Variants in CSMD1 observed in about 807,000 individuals in gnomAD.
The protein encoded by CSMD1 is CUB and Sushi multiple domains 1.
In CSMD1, 213 loss-of-function variants were observed where a neutral mutation model predicts 417.5. The ratio of observed to expected loss-of-function variants is 0.51; its 90% CI spans 0.46 to 0.57. CSMD1 has a LOEUF of 0.57. Among genes scored for constraint, CSMD1 ranks in the 20% least tolerant of loss-of-function variants. The probability of loss-of-function intolerance (pLI) is 0.00; values close to 1 mark genes in which losing one functional copy is unlikely to be tolerated. For missense variants in CSMD1, 6,923 were observed against 4,529.7 expected (o/e 1.53, Z -15.17); for synonymous variants, 2,862 against 1,736.8 (o/e 1.65, Z -16.11).
chr8:4,456,985 TAA>T (rs1554485114), intron 2 of CSMD1, among the ~76,000 whole-genome samples: 76 of 138,802 alleles, frequency 5.5e-4, no homozygotes, highest in East Asian at 2.1e-3. Context: ...GGTTTTTTTT[TAA>T]AAAAAAAAAA....
At chr8:4,934,738 A>G (rs67828954) in intron 1 of CSMD1, among the ~76,000 whole-genome samples, 2 of 151,876 alleles carry the variant, frequency 1.3e-5, no homozygotes, top group Non-Finnish European at 2.9e-5. Flanking sequence ...ATATCTATAA[A>G]CTATCTATAT....
chr8:3,470,019 A>G (rs1360378604), intron 11 of CSMD1, among the ~76,000 whole-genome samples: 2 of 152,294 alleles, frequency 1.3e-5, no homozygotes, highest in South Asian at 2.1e-4. Flanking sequence ...AAAAGCGCAC[A>G]GATCGTGAAT....
chr8:4,857,032 C>T (rs1347434701), intron 1 of CSMD1, among the ~76,000 whole-genome samples: 1 of 148,888 alleles, frequency 6.7e-6, no homozygotes, highest in Non-Finnish European at 1.5e-5. Flanking sequence ...CTCTCCTCAG[C>T]AAATGTAAAA....
At chr8:4,939,276 A>G (rs1406744242) in intron 1 of CSMD1, among the ~76,000 whole-genome samples, 1 of 152,232 alleles carries the variant, frequency 6.6e-6, no homozygotes, top group Non-Finnish European at 1.5e-5. Flanking sequence ...TAGAACAACC[A>G]TATGATGCAG....
chr8:3,925,702 G>T (rs1367339288), intron 5 of CSMD1, among the ~76,000 whole-genome samples: 1 of 151,968 alleles, frequency 6.6e-6, no homozygotes, highest in Non-Finnish European at 1.5e-5. Context: ...CACCACGTAA[G>T]AAGTGCCTGT....
intron 6 of CSMD1, among the ~76,000 whole-genome samples, chr8:3,751,340 A>G (rs62479664): frequency 8.0e-6 from 1 of 124,880 alleles, no homozygotes. Context: ...ATATATATAT[A>G]TACACGAACA....
chr8:4,325,393 C>G (rs1252142201), intron 3 of CSMD1, among the ~76,000 whole-genome samples: 2 of 152,136 alleles, frequency 1.3e-5, no homozygotes, highest in African/African-American at 4.8e-5. Context: ...CCAAATCCCA[C>G]TGTGATCTGC....
intron 3 of CSMD1, among the ~76,000 whole-genome samples, chr8:4,183,932 G>T (rs1375047719): frequency 6.6e-6 from 1 of 152,076 alleles, no homozygotes; most frequent in Non-Finnish European, 1.5e-5. Flanking sequence ...ATGATAGTCT[G>T]GGAAACCTAT....
At chr8:4,056,687 C>A (rs1477849692) in intron 3 of CSMD1, among the ~76,000 whole-genome samples, 2 of 151,798 alleles carry the variant, frequency 1.3e-5, no homozygotes, top group African/African-American at 4.8e-5. Context: ...CCTCCCCACT[C>A]CCCCCACCCC....
Position 3,383,854 on chromosome 8 carries a change from A to T in CSMD1, c.2782+3640T>A, listed in dbSNP as rs182266609. On this transcript the variant is annotated intron_variant, in intron 18 of 69. Coordinates refer to ENST00000635120, the MANE Select transcript of CSMD1 (RefSeq NM_033225.6). ...GTCAGCAAACAGTAGAATGAAATAAAAACTTTTGATATGTTTAAGCAATAA... is the reference window on the plus strand; with the variant it reads ...GTCAGCAAACAGTAGAATGAAATAATAACTTTTGATATGTTTAAGCAATAA... 5.9e-5 allele frequency among the ~76,000 whole-genome samples: 9 copies of T among 152,298 alleles called. No individual in the cohort carries two copies. The East Asian group carries it at 1.4e-3, about 23-fold the overall frequency.
intron 3 of CSMD1, among the ~76,000 whole-genome samples, chr8:4,299,606 T>A (rs1173487399): frequency 2.0e-5 from 3 of 152,190 alleles, no homozygotes; most frequent in Admixed American, 6.5e-5. Context: ...TGGCCAATAT[T>A]TTTGTATCAT....
At chr8:4,506,774 T>A (rs1312731530) in intron 2 of CSMD1, among the ~76,000 whole-genome samples, 3 of 152,214 alleles carry the variant, frequency 2.0e-5, no homozygotes, top group African/African-American at 7.2e-5. Context: ...AATGCTTTAA[T>A]TTTCCTGAAA....
intron 47 of CSMD1, among the ~76,000 whole-genome samples, chr8:3,093,408 T>A (rs531672169): frequency 6.6e-6 from 1 of 152,324 alleles, no homozygotes; most frequent in African/African-American, 2.4e-5. Flanking sequence ...GGCTCACACC[T>A]GTAATCCCAG....
intron 49 of CSMD1, among the ~76,000 whole-genome samples, chr8:3,060,186 C>T (rs1458153943): frequency 2.0e-5 from 3 of 149,576 alleles, no homozygotes; most frequent in African/African-American, 7.4e-5. Context: ...CACTCTGTCG[C>T]CCAGGCTGGA....
intron 5 of CSMD1, among the ~76,000 whole-genome samples, chr8:3,763,562 G>C (rs1026505471): frequency 2.6e-5 from 4 of 152,130 alleles, no homozygotes; most frequent in African/African-American, 4.8e-5. Context: ...AGCCAAGCAG[G>C]TGCTAGCCCC....
chr8:3,248,952 C>T (rs1432299926), intron 26 of CSMD1, among the ~76,000 whole-genome samples: 1 of 152,052 alleles, frequency 6.6e-6, no homozygotes, highest in African/African-American at 2.4e-5. Context: ...TTGTTCCCCG[C>T]ACTCCACCTC....
At chr8:4,027,371 A>C (rs1797116457) in intron 4 of CSMD1, among the ~76,000 whole-genome samples, 1 of 152,092 alleles carries the variant, frequency 6.6e-6, no homozygotes, top group African/African-American at 2.4e-5. Context: ...TTGTAACCTA[A>C]ATTCTAATCC....
At chr8:3,788,936 C>A (rs1431217191) in intron 5 of CSMD1, among the ~76,000 whole-genome samples, 2 of 152,144 alleles carry the variant, frequency 1.3e-5, no homozygotes, top group East Asian at 3.9e-4. Context: ...TACGTATTTC[C>A]TAGACAGTAT....
At chr8:3,525,463 C>G (rs1797715538) in intron 10 of CSMD1, among the ~76,000 whole-genome samples, 1 of 152,146 alleles carries the variant, frequency 6.6e-6, no homozygotes, top group African/African-American at 2.4e-5. Context: ...TTATAACTGA[C>G]AGCAGGACAT....
Sources: allele counts gnomAD v4.1 joint callset (sites outside exome capture counted in the v4.1 genomes callset), GRCh38; gene constraint gnomAD v4.1.1; transcripts MANE v1.5; gene names NCBI Gene and HGNC (gene_info 2026-07-23, HGNC 2026-07-21).